TMEM35A: variants seen among roughly 807,000 people sequenced by gnomAD.
TMEM35A encodes the protein nicotinic acetylcholine receptor chaperone.
For synonymous variants in TMEM35A, 50 were observed against 54.7 expected (o/e 0.91, Z 0.38); for missense variants, 83 against 132.7 (o/e 0.63, Z 1.84).
At chrX:101,082,964 G>A (rs771080842) in intron 1 of TMEM35A, among the ~76,000 whole-genome samples, 32 of 111,612 alleles carry the variant, frequency 2.9e-4, no homozygotes, top group African/African-American at 9.8e-4. Context: ...GCATTTAGAA[G>A]AACAAGATGC....
At chrX:101,090,169 C>CTTTCTTTTTTTTTTTTTTTTTTTTT (rs1556381270) in intron 1 of TMEM35A, among the ~76,000 whole-genome samples, 7 of 97,497 alleles carry the variant, frequency 7.2e-5, no homozygotes, top group African/African-American at 3.1e-4. Context: ...TTCTTTCTTT[C>CTTTCTTTTTTTTTTTTTTTTTTTTT]TTTTTTTTTT....
intron 1 of TMEM35A, among the ~76,000 whole-genome samples, chrX:101,089,401 A>G (rs911827457): frequency 9.1e-6 from 1 of 109,964 alleles, no homozygotes; most frequent in Admixed American, 9.9e-5. Context: ...TTACCTAATC[A>G]GTGAGTGTTT....
chrX:101,089,591 A>G (rs1341104022), intron 1 of TMEM35A, among the ~76,000 whole-genome samples: 1 of 108,015 alleles, frequency 9.3e-6, no homozygotes, highest in Non-Finnish European at 1.9e-5. Context: ...AAAAAAAAAA[A>G]AAAAAATTAG....
At position 101,095,919 on chromosome X, in the gene TMEM35A, A is replaced by G. The variant is rs770921789; in HGVS notation, c.*963A>G. ...GTCCTGTTAGAAGTCTGTGAGCCTC[A>G]AACTCTACCTGTTCTCTGCAATCAT... On this transcript the variant is annotated 3_prime_UTR_variant, in exon 2 of 2. Coordinates refer to ENST00000372930, the MANE Select transcript of TMEM35A (RefSeq NM_021637.3). 1 of 112,141 alleles carries G rather than the reference A, an allele frequency of 8.9e-6. No homozygotes were observed. Among genetic ancestry groups the G allele is most frequent in the Non-Finnish European group, 1.9e-5 (1 of 53,276 alleles). The allele number at this position is 112,141 out of a possible 1,213,427, so 9.2% of individuals were successfully genotyped here.
Position 101,094,683 on chromosome X carries a change from C to T in TMEM35A, c.231C>T (p.Ile77=), listed in dbSNP as rs771511356. Residue 77 remains isoleucine (I), a synonymous_variant, in exon 2 of 2, where the codon ATC becomes ATT. Transcript: ENST00000372930. ...SIGALEVACG[I]VMTLVPGRPK... ...GTGCCCTTGAAGTGGCCTGTGGCAT[C>T]GTCATGACCCTTGTGCCTGGGCGTC... 5.8e-5 allele frequency: 70 copies of T among 1,209,553 alleles called. No individual in the cohort carries two copies. The highest frequency in any genetic ancestry group is 7.6e-5 in the Non-Finnish European group (68 of 895,233).
chrX:101,079,244 G>A, intron 1 of TMEM35A, 122 bp downstream of exon 1: 1 of 872,550 alleles, frequency 1.1e-6, no homozygotes, highest in Middle Eastern at 2.9e-4. Context: ...TGGACCCTCC[G>A]TTCTCAACAA....
At chrX:101,091,302 CTTTT>C (rs111453010) in intron 1 of TMEM35A, among the ~76,000 whole-genome samples, 1 of 90,120 alleles carries the variant, frequency 1.1e-5, no homozygotes, top group Admixed American at 1.3e-4. Flanking sequence ...CTCTCTCTCT[CTTTT>C]TTTTTTTTTT....
chrX:101,087,255 C>T (rs1426115558), intron 1 of TMEM35A, among the ~76,000 whole-genome samples: 1 of 112,021 alleles, frequency 8.9e-6, no homozygotes, highest in African/African-American at 3.2e-5. Context: ...TGCGCCCGGC[C>T]AATAGGATTC....
At chrX:101,093,608 C>T (rs2089330372) in intron 1 of TMEM35A, among the ~76,000 whole-genome samples, 1 of 111,285 alleles carries the variant, frequency 9.0e-6, no homozygotes, top group African/African-American at 3.3e-5. Context: ...GCCACTGCAC[C>T]CGGCTAAAAA....
At chrX:101,086,824 C>T (rs2089308525) in intron 1 of TMEM35A, among the ~76,000 whole-genome samples, 1 of 111,302 alleles carries the variant, frequency 9.0e-6, no homozygotes, top group Non-Finnish European at 1.9e-5. Flanking sequence ...TGTCTTTATT[C>T]TTACTATCCA....
intron 1 of TMEM35A, among the ~76,000 whole-genome samples, chrX:101,087,081 C>T (rs1275718662): frequency 3.7e-5 from 4 of 109,278 alleles, no homozygotes; most frequent in African/African-American, 3.3e-5. Flanking sequence ...CTCAGCCTCC[C>T]GAGTAGCTGG....
chrX:101,087,236 G>A (rs1175354966), intron 1 of TMEM35A, among the ~76,000 whole-genome samples: 5 of 112,104 alleles, frequency 4.5e-5, no homozygotes, highest in African/African-American at 1.3e-4. Context: ...GATGACAGGC[G>A]TGAGCCACTG....
chrX:101,083,741 A>T (rs2089298891), intron 1 of TMEM35A, among the ~76,000 whole-genome samples: 1 of 111,540 alleles, frequency 9.0e-6, no homozygotes. Context: ...GCTTTGCTTA[A>T]TTCACACAGC....
chrX:101,095,574 A>G lies in TMEM35A; in HGVS notation c.*618A>G, dbSNP rs1038269494. 3.6e-5 allele frequency: 4 copies of G among 110,604 alleles called. No individual in the cohort carries two copies. Among genetic ancestry groups the G allele is most frequent in the Non-Finnish European group, 7.6e-5 (4 of 52,965 alleles). 9.1% of individuals were successfully genotyped at this position (110,604 alleles called of 1,213,427 possible). The stretch of plus-strand genomic sequence containing the variant: ...TTCAATTTCGGACACTGAGTTATAT[A>G]TGAAATTAATTAGGCTCTAGTCCAA... On this transcript the variant is annotated 3_prime_UTR_variant, in exon 2 of 2. Coordinates refer to ENST00000372930, the MANE Select transcript of TMEM35A (RefSeq NM_021637.3).
chrX:101,088,219 A>C lies in TMEM35A; in HGVS notation c.121-6354A>C, dbSNP rs755529329. ...TCTCAAAAAAAACAAAAAACAAAAAACAAAACAACTCATCCTGTCTTTTGT... is the reference window on the plus strand; with the variant it reads ...TCTCAAAAAAAACAAAAAACAAAAACCAAAACAACTCATCCTGTCTTTTGT... On this transcript the variant is annotated intron_variant, in intron 1 of 1. Coordinates refer to ENST00000372930, the MANE Select transcript of TMEM35A (RefSeq NM_021637.3). Among the ~76,000 whole-genome samples the C allele has an allele frequency of 5.1e-4, 57 of 111,331 alleles. 1 individual carries two copies. The highest frequency in any genetic ancestry group is 1.8e-3 in the African/African-American group (54 of 30,682).
intron 1 of TMEM35A, among the ~76,000 whole-genome samples, chrX:101,083,378 A>C (rs1161581820): frequency 8.9e-6 from 1 of 112,174 alleles, no homozygotes; most frequent in Non-Finnish European, 1.9e-5. Flanking sequence ...ATGAAAAGAT[A>C]AGAAAACACC....
chrX:101,079,782 C>G (rs2089286573), intron 1 of TMEM35A, among the ~76,000 whole-genome samples: 1 of 111,675 alleles, frequency 9.0e-6, no homozygotes, highest in Admixed American at 9.6e-5. Flanking sequence ...GTGGGGTAAT[C>G]TACAAAATCT....
chrX:101,079,141 T>C lies in TMEM35A; in HGVS notation c.120+19T>C. 2 of 1,208,974 alleles carry C rather than the reference T, an allele frequency of 1.7e-6. No homozygotes were observed. The highest frequency in any genetic ancestry group is 2.2e-6 in the Non-Finnish European group (2 of 894,370). ...TGAGATGGTAAGTGAAGCAAACGGGTGATGAGGAGCGCACTCCCATGGGAT... is the reference window on the plus strand; with the variant it reads ...TGAGATGGTAAGTGAAGCAAACGGGCGATGAGGAGCGCACTCCCATGGGAT... On this transcript the variant is annotated intron_variant, in intron 1 of 1. Transcript: ENST00000372930.
chrX:101,083,413 A>G (rs2148108713), intron 1 of TMEM35A, among the ~76,000 whole-genome samples: 1 of 112,156 alleles, frequency 8.9e-6, no homozygotes, highest in Admixed American at 9.5e-5. Context: ...AATAAAGCCA[A>G]GAGATTTTGG....
Sources: allele counts gnomAD v4.1 joint callset (sites outside exome capture counted in the v4.1 genomes callset), GRCh38; gene constraint gnomAD v4.1.1; transcripts MANE v1.5; gene names NCBI Gene and HGNC (gene_info 2026-07-23, HGNC 2026-07-21).